PITPNC1: variants seen among roughly 807,000 people sequenced by gnomAD.
PITPNC1 encodes the protein phosphatidylinositol transfer protein cytoplasmic 1.
PITPNC1 carries 18 observed loss-of-function variants against 44.7 expected under a neutral mutation model. The observed-to-expected ratio is 0.40, with a 90% CI of 0.28 to 0.60. PITPNC1 has a LOEUF of 0.60. Ranked by LOEUF, PITPNC1 falls within the 20% of genes least tolerant of loss-of-function variation. PITPNC1 has a pLI of 0.39. For synonymous variants in PITPNC1, 141 were observed against 149.6 expected, an observed-to-expected ratio of 0.94 and a Z score of 0.42; for missense variants, 290 against 418.4, an observed-to-expected ratio of 0.69 and a Z score of 2.68.
chr17:67,449,653 C>T (rs1013098330), intron 1 of PITPNC1, among the ~76,000 whole-genome samples: 1 of 152,104 alleles, frequency 6.6e-6, no homozygotes, highest in East Asian at 1.9e-4. Context: ...CTAGACATCT[C>T]GGAGAATTGA....
intron 1 of PITPNC1, among the ~76,000 whole-genome samples, chr17:67,433,317 G>A (rs373271210): frequency 9.8e-5 from 15 of 152,334 alleles, no homozygotes; most frequent in Non-Finnish European, 1.5e-4. Context: ...GCGGGCTGCG[G>A]GAGCGAGCCT....
intron 5 of PITPNC1, among the ~76,000 whole-genome samples, chr17:67,591,644 T>A (rs1477652493): frequency 1.3e-5 from 2 of 152,188 alleles, no homozygotes; most frequent in African/African-American, 2.4e-5. Flanking sequence ...TGATTTTTTT[T>A]ATATTCTTGC....
intron 1 of PITPNC1, among the ~76,000 whole-genome samples, chr17:67,428,139 C>T (rs2038799782): frequency 6.6e-6 from 1 of 152,154 alleles, no homozygotes; most frequent in East Asian, 1.9e-4. Context: ...GCACTACAGG[C>T]ATCCACCACT....
At chr17:67,583,830 G>A (rs1213819784) in intron 5 of PITPNC1, among the ~76,000 whole-genome samples, 2 of 150,772 alleles carry the variant, frequency 1.3e-5, no homozygotes, top group Non-Finnish European at 2.9e-5. Context: ...AGAGTAGCTG[G>A]GAGTACAGGC....
intron 1 of PITPNC1, among the ~76,000 whole-genome samples, chr17:67,395,135 A>G (rs896179944): frequency 1.9e-4 from 29 of 151,650 alleles, no homozygotes; most frequent in African/African-American, 7.0e-4. Context: ...GAGAAAAGGG[A>G]TCTGTAATCA....
chr17:67,416,243 T>C (rs994115694), intron 1 of PITPNC1, among the ~76,000 whole-genome samples: 1 of 136,178 alleles, frequency 7.3e-6, no homozygotes, highest in African/African-American at 2.8e-5. Flanking sequence ...AGAGTCTCGC[T>C]CTGTTGTCCA....
At chr17:67,477,321 A>C (rs2144019846) in intron 1 of PITPNC1, among the ~76,000 whole-genome samples, 1 of 140,980 alleles carries the variant, frequency 7.1e-6, no homozygotes, top group South Asian at 2.2e-4. Flanking sequence ...GTCTTCACTC[A>C]CTGCAACCTC....
intron 1 of PITPNC1, among the ~76,000 whole-genome samples, chr17:67,454,960 C>T (rs2039235611): frequency 6.6e-6 from 1 of 151,962 alleles, no homozygotes; most frequent in Admixed American, 6.6e-5. Context: ...GCTGGGACTA[C>T]AGCTGCATGC....
intron 6 of PITPNC1, among the ~76,000 whole-genome samples, chr17:67,657,582 G>T (rs1052082076): frequency 6.6e-6 from 1 of 150,660 alleles, no homozygotes; most frequent in Non-Finnish European, 1.5e-5. Context: ...TTTTTCTCAG[G>T]CCCCGGTGTC....
In PITPNC1 at chr17:67,597,351, C is replaced by T. The variant is rs2041473272; in HGVS notation, c.366+19094C>T. 6.6e-6 allele frequency among the ~76,000 whole-genome samples: 1 copy of T among 152,022 alleles called. No individual in the cohort carries two copies. The highest frequency in any genetic ancestry group is 2.1e-4 in the South Asian group (1 of 4,808). On this transcript the variant is annotated intron_variant, in intron 5 of 8. Coordinates refer to ENST00000581322, the MANE Select transcript of PITPNC1 (RefSeq NM_012417.4). The surrounding 1 kb of genome is among the most constrained non-coding windows in gnomAD (Gnocchi z 4.0). ...GGTATCTTACTTGAAGTCAGGAATT[C>T]GAGACCAGCCTGGCCAACATGGCAA... is the stretch of plus-strand genomic sequence containing the variant.
At chr17:67,444,973 A>G (rs1177816045) in intron 1 of PITPNC1, among the ~76,000 whole-genome samples, 3 of 151,446 alleles carry the variant, frequency 2.0e-5, no homozygotes, top group Non-Finnish European at 2.9e-5. Context: ...GTGATTACCC[A>G]TATCCTAGTG....
At chr17:67,590,574 T>C (rs2041376246) in intron 5 of PITPNC1, among the ~76,000 whole-genome samples, 1 of 152,202 alleles carries the variant, frequency 6.6e-6, no homozygotes, top group Non-Finnish European at 1.5e-5. Flanking sequence ...CTAAAACTAG[T>C]ATGTGAAAAG....
chr17:67,677,403 C>T (rs771195599), intron 8 of PITPNC1, among the ~76,000 whole-genome samples: 5 of 151,928 alleles, frequency 3.3e-5, no homozygotes, highest in South Asian at 4.1e-4. Context: ...AAAGAATAGC[C>T]GGGCTCTGAT....
intron 1 of PITPNC1, among the ~76,000 whole-genome samples, chr17:67,449,012 C>T (rs575374440): frequency 1.3e-5 from 2 of 152,346 alleles, no homozygotes; most frequent in South Asian, 4.1e-4. Context: ...GGCAATCCTC[C>T]CGCCTCGGCC....
Position 67,692,675 on chromosome 17 carries a change from C to G in PITPNC1, c.786C>G (p.Pro262=), listed in dbSNP as rs1188162026. 9 of 1,613,696 alleles carry G rather than the reference C, an allele frequency of 5.6e-6. No individual in the cohort carries two copies. The highest frequency in any genetic ancestry group is 5.9e-6 in the Non-Finnish European group (7 of 1,179,644). Residue 262 remains proline (P), a synonymous_variant, in exon 9 of 9, where the codon CCC becomes CCG. Coordinates refer to ENST00000581322, the MANE Select transcript of PITPNC1 (RefSeq NM_012417.4). ...CTGCAATTTCTATCTCCAGCATCCC[C>G]CTGCTGCCTTCTTCCGTCCGCAGTG... ...FPPAISISSI[P]LLPSSVRSAP... is the part of the protein sequence containing the mutation.
intron 1 of PITPNC1, among the ~76,000 whole-genome samples, chr17:67,446,089 G>T (rs935502673): frequency 6.6e-6 from 1 of 152,030 alleles, no homozygotes; most frequent in Non-Finnish European, 1.5e-5. Flanking sequence ...TGGGATTACA[G>T]GCGTGCGCCA....
intron 1 of PITPNC1, among the ~76,000 whole-genome samples, chr17:67,452,560 T>A (rs1277239446): frequency 6.7e-6 from 1 of 148,378 alleles, no homozygotes; most frequent in African/African-American, 2.5e-5. Context: ...GTCGCCAGGC[T>A]GGAGTCACTG....
At chr17:67,649,739 AT>A (rs577227022) in intron 6 of PITPNC1, among the ~76,000 whole-genome samples, 2 of 151,274 alleles carry the variant, frequency 1.3e-5, no homozygotes, top group South Asian at 2.1e-4. Context: ...ACTAAAAAAA[AT>A]TTTTTTTTTA....
intron 8 of PITPNC1, among the ~76,000 whole-genome samples, chr17:67,679,022 G>A (rs1364486900): frequency 6.6e-6 from 1 of 152,212 alleles, no homozygotes; most frequent in Non-Finnish European, 1.5e-5. Context: ...TACTGACTCA[G>A]AAACTCTGAG....
Sources: allele counts gnomAD v4.1 joint callset (sites outside exome capture counted in the v4.1 genomes callset), GRCh38; gene constraint gnomAD v4.1.1; non-coding constraint Gnocchi (gnomAD v3.1); transcripts MANE v1.5; gene names NCBI Gene and HGNC (gene_info 2026-07-23, HGNC 2026-07-21).